Variants in OGDH observed in about 807,000 individuals in gnomAD.
OGDH encodes the protein 2-oxoglutarate dehydrogenase complex component E1.
A neutral mutation model predicts 116.6 loss-of-function variants in OGDH; 38 were observed. That is an observed-to-expected ratio of 0.33 (90% CI 0.25 to 0.43). The LOEUF is 0.43. Ranked by LOEUF, OGDH falls within the 20% of genes least tolerant of loss-of-function variation. The pLI is 1.00. For synonymous variants in OGDH, 488 were observed against 533.3 expected (o/e 0.92, Z 1.17); for missense variants, 825 against 1,357.2 (o/e 0.61, Z 6.16).
At chr7:44,693,480 A>G (rs1432212163) in intron 10 of OGDH, among the ~76,000 whole-genome samples, 1 of 152,184 alleles carries the variant, frequency 6.6e-6, no homozygotes, top group Non-Finnish European at 1.5e-5. Context: ...AATAGAAATA[A>G]TAAGATCCCA....
chr7:44,663,764 A>T (rs766013938), intron 4 of OGDH, among the ~76,000 whole-genome samples: 3 of 152,122 alleles, frequency 2.0e-5, no homozygotes, highest in Admixed American at 6.5e-5. Flanking sequence ...ACAGAGCGAG[A>T]TGCTATCTCA....
chr7:44,632,222 A>G (rs1045991014), intron 2 of OGDH, among the ~76,000 whole-genome samples: 1 of 152,128 alleles, frequency 6.6e-6, no homozygotes, highest in African/African-American at 2.4e-5. Context: ...GACTGAGGCC[A>G]GGACAGCAGG....
chr7:44,701,545 A>G lies in OGDH; in HGVS notation c.2562A>G (p.Leu854=). The G allele has an allele frequency of 6.2e-7, 1 of 1,613,702 alleles. No homozygotes were observed. Among genetic ancestry groups the G allele is most frequent in the Non-Finnish European group, 8.5e-7 (1 of 1,179,758 alleles). ...RQILLPFRKP[L]IIFTPKSLLR... ...GAGCCTATTGTTCTGTATTTCAGTTAATTATCTTCACCCCCAAATCCCTGT... is the reference window on the plus strand; with the variant it reads ...GAGCCTATTGTTCTGTATTTCAGTTGATTATCTTCACCCCCAAATCCCTGT... The change falls in exon 20 of 23, where the codon TTA becomes TTG. Residue 854 remains leucine (L), a splice_region_variant and synonymous_variant. Transcript: ENST00000222673.
At chr7:44,619,292 A>G (rs1228308156) in intron 1 of OGDH, among the ~76,000 whole-genome samples, 1 of 152,206 alleles carries the variant, frequency 6.6e-6, no homozygotes, top group Non-Finnish European at 1.5e-5. Context: ...TACAAGTAAG[A>G]CAACTGGGGG....
chr7:44,618,515 A>G (rs1297049829), intron 1 of OGDH, among the ~76,000 whole-genome samples: 1 of 152,198 alleles, frequency 6.6e-6, no homozygotes, highest in African/African-American at 2.4e-5. Flanking sequence ...GTTTTTGTCC[A>G]TGATTCCTGG....
intron 1 of OGDH, among the ~76,000 whole-genome samples, chr7:44,616,673 A>G (rs1585218670): frequency 6.8e-6 from 1 of 148,010 alleles, no homozygotes; most frequent in African/African-American, 2.5e-5. Context: ...GTATATACGT[A>G]TATATACACA....
chr7:44,645,084 T>C (rs1274425967), intron 2 of OGDH, among the ~76,000 whole-genome samples: 1 of 152,044 alleles, frequency 6.6e-6, no homozygotes, highest in Non-Finnish European at 1.5e-5. Context: ...AGGGCATCTG[T>C]GTTATAGCTG....
At position 44,647,678 on chromosome 7, in the gene OGDH, C is replaced by T; in HGVS notation, c.436C>T (p.Gln146Ter). ...AYQIRGHHVA[Q>*]LDPLGILDAD... ...ATAGATACGAGGGCACCATGTAGCA[C>T]AGCTGGACCCCCTGGGGATTTTGGA... is the stretch of plus-strand genomic sequence containing the variant. The change falls in exon 4 of 23, where the codon CAG (glutamine) becomes TAG (stop). Residue 146 changes from glutamine (Q) to a stop codon, truncating the protein, a stop_gained. Coordinates refer to ENST00000222673, the MANE Select transcript of OGDH (RefSeq NM_002541.4). LOFTEE classifies it high-confidence loss of function. 1 of 1,613,922 alleles carries T rather than the reference C, an allele frequency of 6.2e-7. No homozygotes were observed. Among genetic ancestry groups the T allele is most frequent in the Non-Finnish European group, 8.5e-7 (1 of 1,179,948 alleles).
At chr7:44,693,711 G>A (rs958445345) in intron 10 of OGDH, 114 bp from the exon 11 acceptor site, 29 of 794,390 alleles carry the variant, frequency 3.7e-5, no homozygotes, top group Non-Finnish European at 4.9e-5. Flanking sequence ...TTTGGGGTAC[G>A]TACTCAGAGT....
chr7:44,674,081 A>G lies in OGDH; in HGVS notation c.788+140A>G, dbSNP rs1049113438. 98 of 946,620 alleles carry G rather than the reference A, an allele frequency of 1.0e-4. No individual in the cohort carries two copies. In the Admixed American group the frequency reaches 2.3e-3, roughly 22 times the overall value. 58.6% of individuals were successfully genotyped at this position (946,620 alleles called of 1,614,324 possible). On this transcript the variant is annotated intron_variant, in intron 6 of 22. Coordinates refer to ENST00000222673, the MANE Select transcript of OGDH (RefSeq NM_002541.4). ...GGTACAGGCAAAGCTCCATCTGCAC[A>G]TGTGTGAAGAGACACCAGACAAGTA... is the stretch of plus-strand genomic sequence containing the variant.
rs1418525606 is a variant in OGDH at position 44,656,285 on chromosome 7, C to T, written c.517+8526C>T. ...ACTCTCACCTGTCTTTTTCCTTCTG[C>T]GCTCACCCATGATACCCCACTCTGC... On this transcript the variant is annotated intron_variant, in intron 4 of 22. Coordinates refer to ENST00000222673, the MANE Select transcript of OGDH (RefSeq NM_002541.4). 6.5e-6 allele frequency: 10 copies of T among 1,534,988 alleles called. 1 individual carries two copies. The highest frequency in any genetic ancestry group is 4.8e-5 in the South Asian group (4 of 84,032).
intron 4 of OGDH, among the ~76,000 whole-genome samples, chr7:44,661,805 T>C (rs1217396535): frequency 6.6e-6 from 1 of 152,174 alleles, no homozygotes; most frequent in Non-Finnish European, 1.5e-5. Context: ...GGTTTCACCA[T>C]GTTGGCCAGG....
At position 44,707,710 on chromosome 7, in the gene OGDH, C is replaced by G; in HGVS notation, c.2925C>G (p.Thr975=). 6.2e-7 allele frequency: 1 copy of G among 1,614,178 alleles called. No individual in the cohort carries two copies. Among genetic ancestry groups the G allele is most frequent in the Non-Finnish European group, 8.5e-7 (1 of 1,180,026 alleles). The change falls in exon 22 of 23, where the codon ACC becomes ACG. Residue 975 remains threonine (T), a synonymous_variant. Coordinates refer to ENST00000222673, the MANE Select transcript of OGDH (RefSeq NM_002541.4). This position sits in a 1 kb window ranked among gnomAD's most constrained non-coding sequence, Gnocchi z 5.2. ...YYDYVKPRLR[T]TISRAKPVWY... ...ACTACGTGAAGCCAAGACTTCGGAC[C>G]ACCATCAGCCGCGCCAAGCCCGTCT...
intron 8 of OGDH, 91 bp downstream of exon 8, chr7:44,675,359 G>A: frequency 9.4e-7 from 1 of 1,062,194 alleles, no homozygotes; most frequent in Non-Finnish European, 1.4e-6. Context: ...CTTACGGGGG[G>A]TTGGTTCTTC....
chr7:44,616,832 T>C (rs1361943724), intron 1 of OGDH, among the ~76,000 whole-genome samples: 1 of 137,882 alleles, frequency 7.3e-6, no homozygotes, highest in Non-Finnish European at 1.6e-5. Flanking sequence ...TATGTGTATA[T>C]ATACACATAT....
chr7:44,613,504 C>T lies in OGDH; in HGVS notation c.-28+6851C>T, dbSNP rs547907357. 4.6e-5 allele frequency among the ~76,000 whole-genome samples: 7 copies of T among 151,680 alleles called. No homozygotes were observed. In the East Asian group the frequency reaches 5.9e-4, roughly 13 times the overall value. On this transcript the variant is annotated intron_variant, in intron 1 of 22. Transcript: ENST00000222673. ...TCTCCCGAGTAGCTGGGACTATAGG[C>T]GCCCACCACCATGCCTGGCTAATTT...
chr7:44,608,373 A>C (rs1027697175), intron 1 of OGDH, among the ~76,000 whole-genome samples: 4 of 151,534 alleles, frequency 2.6e-5, no homozygotes, highest in Admixed American at 2.0e-4. Context: ...GCCCCACTGC[A>C]CTCTAGCCTG....
chr7:44,641,849 C>G (rs1785958111), intron 2 of OGDH, among the ~76,000 whole-genome samples: 1 of 152,202 alleles, frequency 6.6e-6, no homozygotes, highest in Non-Finnish European at 1.5e-5. Context: ...TGTGCACAGC[C>G]ACCTTTTAGA....
intron 18 of OGDH, among the ~76,000 whole-genome samples, chr7:44,698,554 G>A (rs1242540203): frequency 6.6e-6 from 1 of 152,094 alleles, no homozygotes; most frequent in African/African-American, 2.4e-5. Flanking sequence ...GCTCCTGCGG[G>A]ATGCTTCCAG....
Sources: gnomAD v4.1 joint callset for allele counts (sites outside exome capture counted in the v4.1 genomes callset) on GRCh38, gnomAD v4.1.1 for gene constraint, Gnocchi (gnomAD v3.1) non-coding constraint, MANE v1.5 for transcripts, NCBI Gene and HGNC (gene_info 2026-07-23, HGNC 2026-07-21) for gene names.